ADORA2B: variants seen among roughly 807,000 people sequenced by gnomAD.
The protein encoded by ADORA2B is adenosine A2b receptor.
A neutral mutation model predicts 20.8 loss-of-function variants in ADORA2B; 18 were observed. The ratio of observed to expected loss-of-function variants is 0.87; its 90% CI spans 0.60 to 1.29. The LOEUF is 1.29. Ranked by LOEUF, ADORA2B falls within the 50% of genes most tolerant of loss-of-function variation. The pLI is 0.00. For missense variants in ADORA2B, 441 were observed against 422.7 expected, an observed-to-expected ratio of 1.04 and a Z score of -0.38; for synonymous variants, 179 against 178.3, an observed-to-expected ratio of 1.00 and a Z score of -0.03.
intron 1 of ADORA2B, among the ~76,000 whole-genome samples, chr17:15,962,994 G>C (rs1022480892): frequency 1.3e-5 from 2 of 152,100 alleles, no homozygotes; most frequent in Admixed American, 1.3e-4. Context: ...AAAGAGTCTT[G>C]GTTCCTTTTA....
At chr17:15,877,487 C>T in the ADORA2B span, among the ~76,000 whole-genome samples, 3 of 152,030 alleles carry the variant, frequency 2.0e-5, no homozygotes, top group Non-Finnish European at 4.4e-5. Flanking sequence ...CTCTTGGGCT[C>T]ATCCATTCCC....
intron 1 of ADORA2B, among the ~76,000 whole-genome samples, chr17:15,952,103 A>C (rs537756647): frequency 6.6e-6 from 1 of 152,038 alleles, no homozygotes; most frequent in East Asian, 1.9e-4. Flanking sequence ...GTAAATGAAA[A>C]AAAAGTCAAC....
At chr17:15,919,206 T>A in the ADORA2B span, among the ~76,000 whole-genome samples, 1 of 152,232 alleles carries the variant, frequency 6.6e-6, no homozygotes, top group Admixed American at 6.5e-5. Flanking sequence ...TGGAGGTGTC[T>A]TGTTCTAAAG....
upstream of ADORA2B, among the ~76,000 whole-genome samples, chr17:15,941,065 G>T (rs148106883): frequency 6.6e-6 from 1 of 152,188 alleles, no homozygotes; most frequent in Non-Finnish European, 1.5e-5. Flanking sequence ...GAGATGAGAC[G>T]ATGTGTACTA....
chr17:15,946,890 C>A (rs1391098998), intron 1 of ADORA2B, among the ~76,000 whole-genome samples: 1 of 152,160 alleles, frequency 6.6e-6, no homozygotes, highest in African/African-American at 2.4e-5. Context: ...GGAGGAGGAG[C>A]CTGCCTGCAG....
the ADORA2B span, among the ~76,000 whole-genome samples, chr17:15,932,506 AAAG>A: frequency 1.3e-5 from 2 of 151,926 alleles, no homozygotes; most frequent in African/African-American, 4.8e-5. Context: ...AAAAAAAAAA[AAAG>A]AAAGAAATTG....
chr17:15,919,843 A>C, the ADORA2B span, among the ~76,000 whole-genome samples: 2 of 152,180 alleles, frequency 1.3e-5, no homozygotes, highest in Non-Finnish European at 2.9e-5. Context: ...GCCACTTTTT[A>C]TAAAAAATAA....
the ADORA2B span, among the ~76,000 whole-genome samples, chr17:15,863,672 G>A: frequency 6.6e-6 from 1 of 152,262 alleles, no homozygotes; most frequent in African/African-American, 2.4e-5. Flanking sequence ...CCTTTTAAAT[G>A]TTATTTAGAT....
chr17:15,963,810 G>A (rs868082622), intron 1 of ADORA2B, among the ~76,000 whole-genome samples: 6 of 152,166 alleles, frequency 3.9e-5, no homozygotes, highest in African/African-American at 1.2e-4. Flanking sequence ...TTTCTTGACC[G>A]CAACCTGCAT....
the ADORA2B span, among the ~76,000 whole-genome samples, chr17:15,900,540 A>G: frequency 1.8e-4 from 27 of 152,056 alleles, no homozygotes; most frequent in African/African-American, 6.5e-4. Context: ...TTGAACTCCC[A>G]GGCTAAAGTG....
the ADORA2B span, among the ~76,000 whole-genome samples, chr17:15,867,030 G>A: frequency 0.011 from 1,686 of 152,012 alleles, 28 homozygotes; most frequent in African/African-American, 0.038. Context: ...CGAGTGATCC[G>A]CCAGCCTCGG....
chr17:15,886,552 TA>T, the ADORA2B span, among the ~76,000 whole-genome samples: 1 of 129,782 alleles, frequency 7.7e-6, no homozygotes, highest in African/African-American at 3.3e-5. Context: ...GGGTGGGGCT[TA>T]GGGGGACTGC....
At chr17:15,922,745 C>T in the ADORA2B span, among the ~76,000 whole-genome samples, 218 of 152,320 alleles carry the variant, frequency 1.4e-3, no homozygotes, top group African/African-American at 5.0e-3. Context: ...ATGCTTCTGA[C>T]GGAACATGCC....
At chr17:15,897,325 A>G in the ADORA2B span, among the ~76,000 whole-genome samples, 2 of 152,112 alleles carry the variant, frequency 1.3e-5, no homozygotes, top group Non-Finnish European at 2.9e-5. Context: ...CCCAGTACTA[A>G]GGGAGGCTGA....
intron 1 of ADORA2B, among the ~76,000 whole-genome samples, chr17:15,956,977 T>G (rs1969974250): frequency 6.6e-6 from 1 of 152,192 alleles, no homozygotes; most frequent in South Asian, 2.1e-4. Context: ...CAAGGTACAA[T>G]TTTAATCTGG....
chr17:15,911,983 C>T, the ADORA2B span, among the ~76,000 whole-genome samples: 10 of 152,162 alleles, frequency 6.6e-5, no homozygotes, highest in South Asian at 2.1e-4. Flanking sequence ...GAGGCCAACG[C>T]GGGTGGATCA....
chr17:15,899,392 T>C, the ADORA2B span, among the ~76,000 whole-genome samples: 2 of 152,202 alleles, frequency 1.3e-5, no homozygotes, highest in Non-Finnish European at 2.9e-5. Context: ...TAAATAGCAG[T>C]TTCTGGGTGT....
the ADORA2B span, among the ~76,000 whole-genome samples, chr17:15,924,705 A>C: frequency 6.6e-6 from 1 of 151,768 alleles, no homozygotes; most frequent in Non-Finnish European, 1.5e-5. Flanking sequence ...GTGCCACTGC[A>C]CTTAAGGCTG....
chr17:15,922,288 A>G, the ADORA2B span, among the ~76,000 whole-genome samples: 1 of 152,044 alleles, frequency 6.6e-6, no homozygotes, highest in Non-Finnish European at 1.5e-5. Flanking sequence ...TTTAACCCCA[A>G]AGTTAGCATG....
Sources: allele counts gnomAD v4.1 joint callset (sites outside exome capture counted in the v4.1 genomes callset), GRCh38; gene constraint gnomAD v4.1.1; transcripts MANE v1.5; gene names NCBI Gene and HGNC (gene_info 2026-07-23, HGNC 2026-07-21).